TEPSIN: variants seen among roughly 807,000 people sequenced by gnomAD.
The protein encoded by TEPSIN is TEPSIN adaptor related protein complex 4 accessory protein.
Under a neutral mutation model 48.5 loss-of-function variants are expected in TEPSIN, and 50 were observed. The observed-to-expected ratio is 1.03, with a 90% CI of 0.82 to 1.31. The LOEUF (loss-of-function observed/expected upper bound fraction) is 1.31. Ranked by LOEUF, TEPSIN falls within the 50% of genes most tolerant of loss-of-function variation. TEPSIN has a pLI of 0.00. For synonymous variants in TEPSIN, 392 were observed against 358.8 expected, an observed-to-expected ratio of 1.09 and a Z score of -1.05; for missense variants, 838 against 815.9, an observed-to-expected ratio of 1.03 and a Z score of -0.33.
At position 81,230,594 on chromosome 17, in the gene TEPSIN, G is replaced by C; in HGVS notation, c.1183C>G (p.Gln395Glu). ...HILLRTRPWL[Q>E]ELSMGSPGPV... ...CCCGGGCTGCCCATGCTGAGCTCCTGCAGCCACGGCCGGGTGCGGAGGAGG... is the reference window on the plus strand; with the variant it reads ...CCCGGGCTGCCCATGCTGAGCTCCTCCAGCCACGGCCGGGTGCGGAGGAGG... Residue 395 changes from glutamine to glutamate, a missense_variant, in exon 12 of 13, where the codon CAG becomes GAG. Gln to Glu is a conservative substitution (Grantham distance 29). Coordinates refer to ENST00000637944, the MANE Select transcript of TEPSIN (RefSeq NM_001363764.2). This position sits in a 1 kb window ranked among gnomAD's most constrained non-coding sequence, Gnocchi z 4.2. 2.5e-6 allele frequency: 4 copies of C among 1,610,704 alleles called. No homozygotes were observed. The highest frequency in any genetic ancestry group is 3.4e-6 in the Non-Finnish European group (4 of 1,178,592).
chr17:81,235,685 G>A (rs980556569), intron 4 of TEPSIN, among the ~76,000 whole-genome samples: 4 of 152,058 alleles, frequency 2.6e-5, no homozygotes, highest in African/African-American at 2.4e-5. Context: ...CCTGGAGCCC[G>A]GGGCCCTCTG....
At chr17:81,235,770 G>A (rs1005764730) in intron 4 of TEPSIN, among the ~76,000 whole-genome samples, 4 of 152,208 alleles carry the variant, frequency 2.6e-5, no homozygotes, top group East Asian at 1.9e-4. Flanking sequence ...TGAGGATGGC[G>A]AGAGCACCCC....
At chr17:81,236,633 A>C in intron 4 of TEPSIN, 75 bp downstream of exon 4, 1 of 1,444,948 alleles carries the variant, frequency 6.9e-7, no homozygotes, top group South Asian at 1.2e-5. Flanking sequence ...TTCCTTCTCA[A>C]ACCTGGAGGA....
At chr17:81,231,154 CCA>C (rs1379735993) in intron 11 of TEPSIN, 15 of 580,182 alleles carry the variant, frequency 2.6e-5, no homozygotes, top group East Asian at 2.9e-5. Flanking sequence ...TGTGTGCATA[CCA>C]CACACGTGCA....
Position 81,229,100 on chromosome 17 carries a change from G to A in TEPSIN, c.1610C>T (p.Ser537Phe). The change falls in exon 13 of 13, where the codon TCC becomes TTC. Residue 537 changes from serine (S) to phenylalanine (F), a missense_variant. Coordinates refer to ENST00000637944, the MANE Select transcript of TEPSIN (RefSeq NM_001363764.2). ...GPSSCAWSRD[S>F]LFAGMELVAC... ...CACCAGCTCCATGCCAGCAAACAAGGAGTCGCGGCTCCACGCACAGCTGCT... is the reference window on the plus strand; with the variant it reads ...CACCAGCTCCATGCCAGCAAACAAGAAGTCGCGGCTCCACGCACAGCTGCT... 2 of 1,613,624 alleles carry A rather than the reference G, an allele frequency of 1.2e-6. No homozygotes were observed.
In TEPSIN at chr17:81,233,723, G is replaced by T. The variant is rs779707151; in HGVS notation, c.376-7C>A. The stretch of plus-strand genomic sequence containing the variant: ...ACAGGGTGCTCCCCAAGTCCTACAG[G>T]GGGAGGCGAAGGCCCTCAGTGTCCT... On this transcript the variant is annotated splice_region_variant and splice_polypyrimidine_tract_variant and intron_variant, in intron 5 of 12. Coordinates refer to ENST00000637944, the MANE Select transcript of TEPSIN (RefSeq NM_001363764.2). This position sits in a 1 kb window ranked among gnomAD's most constrained non-coding sequence, Gnocchi z 5.8. The T allele has an allele frequency of 1.3e-6, 2 of 1,590,860 alleles. No individual in the cohort carries two copies. The highest frequency in any genetic ancestry group is 8.5e-7 in the Non-Finnish European group (1 of 1,170,974).
In TEPSIN at chr17:81,230,748, C is replaced by A. The variant is rs1250643059; in HGVS notation, c.1099-70G>T. The stretch of plus-strand genomic sequence containing the variant: ...TCCACGCCAGGGAGGCCTATTTGGC[C>A]ATCTCTCTCCCTCTTCTTCCTCCTC... On this transcript the variant is annotated intron_variant, in intron 11 of 12. Transcript: ENST00000637944. This position sits in a 1 kb window ranked among gnomAD's most constrained non-coding sequence, Gnocchi z 4.2. 5.5e-6 allele frequency: 8 copies of A among 1,449,556 alleles called. No homozygotes were observed. The highest frequency in any genetic ancestry group is 7.3e-6 in the Non-Finnish European group (8 of 1,099,232). 89.8% of individuals were successfully genotyped at this position (1,449,556 alleles called of 1,614,324 possible).
chr17:81,234,918 A>G lies in TEPSIN; in HGVS notation c.308-870T>C, dbSNP rs1320669721. Among the ~76,000 whole-genome samples, 1 of 152,124 alleles carries G rather than the reference A, an allele frequency of 6.6e-6. No individual in the cohort carries two copies. Among genetic ancestry groups the G allele is most frequent in the East Asian group, 1.9e-4 (1 of 5,172 alleles). ...CCTTAACCAAAAACTGCCTAAATCC[A>G]TAGGGCATCAGCCTAATGGCTAAGG... On this transcript the variant is annotated intron_variant, in intron 4 of 12. Transcript: ENST00000637944. This position sits in a 1 kb window ranked among gnomAD's most constrained non-coding sequence, Gnocchi z 5.4.
chr17:81,239,050 C>A lies in TEPSIN; in HGVS notation c.-17G>T. 1 of 1,486,480 alleles carries A rather than the reference C, an allele frequency of 6.7e-7. No individual in the cohort carries two copies. Among genetic ancestry groups the A allele is most frequent in the South Asian group, 1.3e-5 (1 of 78,058 alleles). The allele number at this position is 1,486,480 out of a possible 1,614,324, so 92.1% of individuals were successfully genotyped here. ...GGCAGCCATGATCCAGGTCCCCTCC[C>A]GGTCTGCCCCGCTTCCGCCAGGCCC... On this transcript the variant is annotated 5_prime_UTR_variant, in exon 1 of 13. Transcript: ENST00000637944.
chr17:81,235,561 C>T (rs2062705869), intron 4 of TEPSIN, among the ~76,000 whole-genome samples: 1 of 152,202 alleles, frequency 6.6e-6, no homozygotes, highest in Non-Finnish European at 1.5e-5. Flanking sequence ...CCTTTCCCAT[C>T]CTCAGGTCCT....
rs1259241086 is a variant in TEPSIN, at chr17:81,228,688, C to G, written c.*240G>C. The stretch of plus-strand genomic sequence containing the variant: ...AGAGCAAGACAGGCAGGGACTGCCC[C>G]CTGAGAGCCCTGAGATCGACATTTC... On this transcript the variant is annotated 3_prime_UTR_variant, in exon 13 of 13. Transcript: ENST00000637944. 1.9e-5 allele frequency: 11 copies of G among 583,098 alleles called. No individual in the cohort carries two copies. The highest frequency in any genetic ancestry group is 3.0e-5 in the Non-Finnish European group (10 of 336,846). 36.1% of individuals were successfully genotyped at this position (583,098 alleles called of 1,614,324 possible). A position where few individuals can be genotyped will look rare whatever the true frequency, so the allele number is the denominator to read the frequency against.
At chr17:81,229,750 C>T (rs996381137) in intron 12 of TEPSIN, 1 of 496,808 alleles carries the variant, frequency 2.0e-6, no homozygotes, top group East Asian at 3.8e-5. Context: ...AAATGGACAC[C>T]CTCCCCGTCA....
chr17:81,233,601 G>A lies in TEPSIN; in HGVS notation c.454+37C>T, dbSNP rs750896656. 1.9e-6 allele frequency: 3 copies of A among 1,576,858 alleles called. No homozygotes were observed. The Admixed American group carries it at 5.5e-5, about 29-fold the overall frequency. On this transcript the variant is annotated intron_variant, in intron 6 of 12. Transcript: ENST00000637944. The surrounding 1 kb of genome is among the most constrained non-coding windows in gnomAD (Gnocchi z 5.8). The stretch of plus-strand genomic sequence containing the variant: ...AGGACACTCAAGGAGGCAGAAACCA[G>A]GTGCCAGAGCTGGACACGGTCCCCT...
intron 4 of TEPSIN, 129 bp downstream of exon 4, chr17:81,236,579 G>A: frequency 1.1e-6 from 1 of 949,382 alleles, no homozygotes; most frequent in Non-Finnish European, 1.6e-6. Context: ...GCAAGGCGGG[G>A]CTTTGATCGG....
chr17:81,232,134 G>A, intron 8 of TEPSIN, 113 bp from the exon 9 acceptor site: 1 of 1,389,452 alleles, frequency 7.2e-7, no homozygotes. Flanking sequence ...AGCTGAGGAT[G>A]GGTGGCCACC....
At position 81,230,983 on chromosome 17, in the gene TEPSIN, C is replaced by T. The variant is rs531549104; in HGVS notation, c.1099-305G>A. 8.0e-6 allele frequency: 4 copies of T among 499,376 alleles called. No individual in the cohort carries two copies. Among genetic ancestry groups the T allele is most frequent in the East Asian group, 7.0e-5 (2 of 28,376 alleles). The allele number at this position is 499,376 out of a possible 1,614,324, so 30.9% of individuals were successfully genotyped here. A position where few individuals can be genotyped will look rare whatever the true frequency, so the allele number is the denominator to read the frequency against. ...TCCCCGGCTCCTGGACAGACCCCAGCGAGAAGCACGTGACCTGCTGCCCCG... is the reference window on the plus strand; with the variant it reads ...TCCCCGGCTCCTGGACAGACCCCAGTGAGAAGCACGTGACCTGCTGCCCCG... On this transcript the variant is annotated intron_variant, in intron 11 of 12. Coordinates refer to ENST00000637944, the MANE Select transcript of TEPSIN (RefSeq NM_001363764.2). The surrounding 1 kb of genome is among the most constrained non-coding windows in gnomAD (Gnocchi z 4.2).
intron 12 of TEPSIN, chr17:81,229,919 G>C (rs1023416426): frequency 5.1e-6 from 1 of 195,076 alleles, no homozygotes; most frequent in Non-Finnish European, 1.0e-5. Flanking sequence ...TCGTCGCTCT[G>C]ACTGAAAGGT....
rs113906629 is a variant in TEPSIN at position 81,232,517 on chromosome 17, G to A, written c.528C>T (p.Gly176=). 4.6e-6 allele frequency: 7 copies of A among 1,530,552 alleles called. No homozygotes were observed. Among genetic ancestry groups the A allele is most frequent in the African/African-American group, 2.7e-5 (2 of 73,044 alleles). The allele number at this position is 1,530,552 out of a possible 1,614,324, so 94.8% of individuals were successfully genotyped here. The change falls in exon 8 of 13, where the codon GGC becomes GGT. Residue 176 remains glycine, a splice_region_variant and synonymous_variant. Transcript: ENST00000637944. The part of the protein sequence containing the change: ...FGYSKEHGRT[G]SAGEAFLSTI... ...TGGAGAGGAAGGCTTCGCCTGCCGA[G>A]CCTGTACCCGAGGAGAGGGAGATGG...
Position 81,234,038 on chromosome 17 carries a change from C to T in TEPSIN, c.318G>A (p.Gly106=). The T allele has an allele frequency of 6.3e-7, 1 of 1,592,590 alleles. No homozygotes were observed. Among genetic ancestry groups the T allele is most frequent in the Non-Finnish European group, 8.5e-7 (1 of 1,173,522 alleles). ...AFIQEAAAFA[G]PPDPLHGNSL... is the part of the protein sequence containing the mutation. ...TGTTCCCGTGCAGAGGATCTGGGGG[C>T]CCTGCAAAAGCTGCAGAACAGAAAA... The change falls in exon 5 of 13, where the codon GGG becomes GGA. Residue 106 remains glycine (G), a synonymous_variant. Coordinates refer to ENST00000637944, the MANE Select transcript of TEPSIN (RefSeq NM_001363764.2). This position sits in a 1 kb window ranked among gnomAD's most constrained non-coding sequence, Gnocchi z 5.4.
Sources: gnomAD v4.1 joint callset for allele counts (sites outside exome capture counted in the v4.1 genomes callset) on GRCh38, gnomAD v4.1.1 for gene constraint, Gnocchi (gnomAD v3.1) non-coding constraint, MANE v1.5 for transcripts, NCBI Gene and HGNC (gene_info 2026-07-23, HGNC 2026-07-21) for gene names.